The following NRXN3 variants were observed in gnomAD, a reference collection of about 807,000 sequenced individuals.
NRXN3 encodes neurexin 3.
Under a neutral mutation model 137.6 loss-of-function variants are expected in NRXN3, and 32 were observed. The observed-to-expected ratio is 0.23, with a 90% CI of 0.18 to 0.31. The LOEUF (loss-of-function observed/expected upper bound fraction) is 0.31, where lower values mean the gene tolerates loss of function less well. Among genes scored for constraint, NRXN3 ranks in the 10% least tolerant of loss-of-function variants. NRXN3 has a pLI of 1.00. For missense variants in NRXN3, 1,574 were observed against 2,062.5 expected, an observed-to-expected ratio of 0.76 and a Z score of 4.59; for synonymous variants, 798 against 784.5, an observed-to-expected ratio of 1.02 and a Z score of -0.29.
chr14:79,318,291 T>C (rs567541268), intron 15 of NRXN3, among the ~76,000 whole-genome samples: 1 of 152,320 alleles, frequency 6.6e-6, no homozygotes, highest in African/African-American at 2.4e-5. Context: ...ACAGAAGCCC[T>C]CGATGCATGC....
intron 4 of NRXN3, among the ~76,000 whole-genome samples, chr14:78,311,750 A>G (rs1046606799): frequency 3.3e-5 from 5 of 151,838 alleles, no homozygotes; most frequent in African/African-American, 1.2e-4. Flanking sequence ...TTTTTTGTGC[A>G]CACAAAGAGC....
At chr14:79,084,008 C>G (rs2047576395) in intron 15 of NRXN3, among the ~76,000 whole-genome samples, 1 of 152,132 alleles carries the variant, frequency 6.6e-6, no homozygotes, top group South Asian at 2.1e-4. Flanking sequence ...CCCCTAAGCT[C>G]AAGCGATCCT....
chr14:79,672,591 A>G (rs1603411592), intron 17 of NRXN3, among the ~76,000 whole-genome samples: 1 of 152,112 alleles, frequency 6.6e-6, no homozygotes, highest in Admixed American at 6.6e-5. Flanking sequence ...AATATTGCAT[A>G]ATTTCAAAGC....
intron 19 of NRXN3, among the ~76,000 whole-genome samples, chr14:79,718,233 C>T (rs140811194): frequency 3.8e-4 from 58 of 152,176 alleles, no homozygotes; most frequent in African/African-American, 1.3e-3. Flanking sequence ...GGGGGAAGAA[C>T]ATTTACAGCA....
chr14:78,956,858 G>GA (rs575049543), intron 10 of NRXN3, among the ~76,000 whole-genome samples: 4 of 152,094 alleles, frequency 2.6e-5, no homozygotes, highest in South Asian at 4.1e-4. Flanking sequence ...TTATTCTATA[G>GA]AAAAAATACT....
chr14:78,534,390 A>G (rs1361328617), intron 4 of NRXN3, among the ~76,000 whole-genome samples: 1 of 152,210 alleles, frequency 6.6e-6, no homozygotes, highest in Non-Finnish European at 1.5e-5. Flanking sequence ...GGCCACACTG[A>G]ATTTTTGCAT....
chr14:79,490,000 C>G (rs978667721), intron 16 of NRXN3, among the ~76,000 whole-genome samples: 5 of 141,600 alleles, frequency 3.5e-5, no homozygotes, highest in Non-Finnish European at 3.0e-5. Context: ...GATCACGCCA[C>G]TGCACTCCAG....
chr14:79,343,694 ATCAATCTCAGGAAAATACTT>A (rs959034757), intron 15 of NRXN3, among the ~76,000 whole-genome samples: 18 of 152,228 alleles, frequency 1.2e-4, no homozygotes, highest in African/African-American at 4.1e-4. Context: ...TTTTTGTCCC[ATCAATCTCAGGAAAATACTT>A]TCAATCTCAG....
intron 4 of NRXN3, among the ~76,000 whole-genome samples, chr14:78,637,761 G>A (rs536694836): frequency 6.6e-6 from 1 of 152,268 alleles, no homozygotes; most frequent in East Asian, 1.9e-4. Context: ...TCCGTTGTCA[G>A]GGCCTGGCAC....
intron 20 of NRXN3, among the ~76,000 whole-genome samples, chr14:79,826,643 A>G (rs1339312308): frequency 1.3e-5 from 2 of 152,208 alleles, no homozygotes; most frequent in African/African-American, 2.4e-5. Flanking sequence ...ATCTTGACAC[A>G]AAATCTCACC....
intron 16 of NRXN3, among the ~76,000 whole-genome samples, chr14:79,621,894 T>C (rs947044894): frequency 2.6e-5 from 4 of 152,226 alleles, no homozygotes; most frequent in African/African-American, 9.6e-5. Flanking sequence ...CTATTTAAAG[T>C]ATGGTTCTCT....
At chr14:78,694,052 A>G (rs923608069) in intron 6 of NRXN3, among the ~76,000 whole-genome samples, 1 of 151,870 alleles carries the variant, frequency 6.6e-6, no homozygotes, top group Admixed American at 6.6e-5. Context: ...ATCAGGTCTC[A>G]CCTTAGTACT....
intron 15 of NRXN3, among the ~76,000 whole-genome samples, chr14:79,045,120 A>G (rs2099631094): frequency 6.6e-6 from 1 of 152,114 alleles, no homozygotes; most frequent in South Asian, 2.1e-4. Context: ...AAATGAGACA[A>G]TCCTACTCCC....
At chr14:78,689,333 A>G (rs1468165318) in intron 6 of NRXN3, among the ~76,000 whole-genome samples, 1 of 152,206 alleles carries the variant, frequency 6.6e-6, no homozygotes, top group African/African-American at 2.4e-5. Context: ...TTGGTATTTT[A>G]ATAATTCAGA....
At chr14:78,771,088 G>C (rs573756927) in intron 8 of NRXN3, among the ~76,000 whole-genome samples, 1 of 152,178 alleles carries the variant, frequency 6.6e-6, no homozygotes, top group Non-Finnish European at 1.5e-5. Context: ...GACCACTTGA[G>C]CAAGGCCACG....
At chr14:79,821,473 G>C (rs191225093) in intron 20 of NRXN3, among the ~76,000 whole-genome samples, 3 of 152,194 alleles carry the variant, frequency 2.0e-5, no homozygotes, top group Admixed American at 2.0e-4. Context: ...AAAATAAAGA[G>C]ACCCCATGAA....
At chr14:79,382,949 TTA>T (rs1225023098) in intron 15 of NRXN3, among the ~76,000 whole-genome samples, 3 of 151,950 alleles carry the variant, frequency 2.0e-5, no homozygotes, top group African/African-American at 7.2e-5. Context: ...GTCTACCACC[TTA>T]TATAGAGAGA....
At chr14:79,705,308 A>G (rs964611266) in intron 19 of NRXN3, among the ~76,000 whole-genome samples, 3 of 152,106 alleles carry the variant, frequency 2.0e-5, no homozygotes, top group Non-Finnish European at 1.5e-5. Flanking sequence ...GCTGCGTGGC[A>G]TATGGTTCTC....
intron 2 of NRXN3, among the ~76,000 whole-genome samples, chr14:78,274,076 C>T (rs976032309): frequency 5.9e-5 from 9 of 152,254 alleles, no homozygotes; most frequent in African/African-American, 9.6e-5. Flanking sequence ...CATACCTGTC[C>T]GTCCAAATGA....
Sources: allele counts gnomAD v4.1 joint callset (sites outside exome capture counted in the v4.1 genomes callset), GRCh38; gene constraint gnomAD v4.1.1; transcripts MANE v1.5; gene names NCBI Gene and HGNC (gene_info 2026-07-23, HGNC 2026-07-21).